ANKRD30B: variants seen among roughly 807,000 people sequenced by gnomAD.
The protein encoded by ANKRD30B is ankyrin repeat domain 30B, also known as ankyrin repeat domain-containing protein 30B.
In ANKRD30B, 144 loss-of-function variants were observed where a neutral mutation model predicts 202.2. That is an observed-to-expected ratio of 0.71 (90% CI 0.62 to 0.82). ANKRD30B has a LOEUF of 0.82. Ranked by LOEUF, ANKRD30B falls within the 40% of genes least tolerant of loss-of-function variation. The pLI is 0.00. For synonymous variants in ANKRD30B, 508 were observed against 561.3 expected (o/e 0.91, Z 1.34); for missense variants, 1,487 against 1,669.1 (o/e 0.89, Z 1.90).
intron 16 of ANKRD30B, among the ~76,000 whole-genome samples, chr18:14,793,092 A>C (rs1968634350): frequency 6.6e-6 from 1 of 152,204 alleles, no homozygotes; most frequent in African/African-American, 2.4e-5. Flanking sequence ...ATCTTCCTCC[A>C]TGAGTTGATC....
At chr18:14,936,355 C>T in the ANKRD30B span, among the ~76,000 whole-genome samples, 2 of 152,262 alleles carry the variant, frequency 1.3e-5, no homozygotes, top group African/African-American at 2.4e-5. Context: ...CTTCCATCCT[C>T]CCTCCTCCAC....
chr18:14,940,976 G>A, the ANKRD30B span, among the ~76,000 whole-genome samples: 2 of 152,058 alleles, frequency 1.3e-5, no homozygotes, highest in Non-Finnish European at 2.9e-5. Context: ...GCTCCCCACA[G>A]CACCTGAGCT....
At chr18:14,811,428 G>T (rs9284403) in intron 28 of ANKRD30B, among the ~76,000 whole-genome samples, 1 of 149,768 alleles carries the variant, frequency 6.7e-6, no homozygotes, top group African/African-American at 2.5e-5. Context: ...AGCCAGGATG[G>T]TCTTGACCTG....
chr18:14,834,135 T>G (rs1598698959), intron 34 of ANKRD30B, among the ~76,000 whole-genome samples: 1 of 152,180 alleles, frequency 6.6e-6, no homozygotes, highest in Non-Finnish European at 1.5e-5. Context: ...GCAAACCCAG[T>G]TAAATAAGGT....
chr18:14,796,203 A>G lies in ANKRD30B; in HGVS notation c.1826-18A>G, dbSNP rs556647306. On this transcript the variant is annotated intron_variant, in intron 16 of 43. Transcript: ENST00000690538. ...CAGGCTTGCATATAATCAATTATAT[A>G]TGTCCCTTTACGTTTAGAGTCTCCT... is the stretch of plus-strand genomic sequence containing the variant. 7.6e-6 allele frequency: 12 copies of G among 1,585,322 alleles called. No individual in the cohort carries two copies. The East Asian group carries it at 2.7e-4, about 36-fold the overall frequency.
At chr18:14,934,469 T>C in the ANKRD30B span, among the ~76,000 whole-genome samples, 1 of 152,190 alleles carries the variant, frequency 6.6e-6, no homozygotes, top group Non-Finnish European at 1.5e-5. Context: ...CCTTCCTGTT[T>C]CCCTGAGGCT....
intron 9 of ANKRD30B, among the ~76,000 whole-genome samples, chr18:14,773,873 C>G (rs544560795): frequency 6.6e-6 from 1 of 152,124 alleles, no homozygotes; most frequent in Admixed American, 6.5e-5. Flanking sequence ...CCAGGATGAT[C>G]TCTATCTCTT....
At chr18:14,849,216 T>C (rs1416943523) in intron 40 of ANKRD30B, among the ~76,000 whole-genome samples, 1 of 151,960 alleles carries the variant, frequency 6.6e-6, no homozygotes, top group African/African-American at 2.4e-5. Flanking sequence ...TTTTTTGTAT[T>C]ATAAATGCTA....
rs181855782 is a variant in ANKRD30B at position 14,852,196 on chromosome 18, C to T, written c.4252C>T (p.Leu1418=). 1 of 1,592,834 alleles carries T rather than the reference C, an allele frequency of 6.3e-7. No homozygotes were observed. The highest frequency in any genetic ancestry group is 8.6e-7 in the Non-Finnish European group (1 of 1,169,434). Reference sequence around the variant, plus strand: ...CAAACACACTGAACAGCAGGAGTCTCTGGAGCAGAAATTATTTCAACTAGA... The same window carrying T: ...CAAACACACTGAACAGCAGGAGTCTTTGGAGCAGAAATTATTTCAACTAGA... ...VDKHTEQQES[L]EQKLFQLESK... Residue 1418 remains leucine (L), a synonymous_variant, in exon 42 of 44, where the codon CTG becomes TTG. Coordinates refer to ENST00000690538, the MANE Select transcript of ANKRD30B (RefSeq NM_001367607.2).
chr18:14,774,978 G>A (rs1967263471), intron 9 of ANKRD30B, among the ~76,000 whole-genome samples: 1 of 152,014 alleles, frequency 6.6e-6, no homozygotes, highest in Non-Finnish European at 1.5e-5. Context: ...ACACAACAAA[G>A]TAGACGGGCG....
the ANKRD30B span, among the ~76,000 whole-genome samples, chr18:14,917,849 A>T: frequency 6.6e-6 from 1 of 152,194 alleles, no homozygotes; most frequent in Non-Finnish European, 1.5e-5. Flanking sequence ...GCTCAGATTT[A>T]TTGGTGTTTA....
At chr18:14,766,493 A>AGAAAAG (rs1555646769) in intron 7 of ANKRD30B, among the ~76,000 whole-genome samples, 45 of 85,060 alleles carry the variant, frequency 5.3e-4, no homozygotes, top group African/African-American at 1.7e-3. Flanking sequence ...AAAAAAAAAA[A>AGAAAAG]AAAAGAAAAG....
At chr18:14,839,164 G>T (rs1042833286) in intron 36 of ANKRD30B, among the ~76,000 whole-genome samples, 1 of 152,224 alleles carries the variant, frequency 6.6e-6, no homozygotes, top group African/African-American at 2.4e-5. Context: ...AGATTATGCT[G>T]CAGTAGTAGG....
At position 14,784,280 on chromosome 18, in the gene ANKRD30B, C is replaced by T. The variant is rs138681355; in HGVS notation, c.1571-56C>T. The T allele has an allele frequency of 4.8e-4, 742 of 1,531,324 alleles. 12 individuals are homozygous for T. In the East Asian group the frequency reaches 0.016, roughly 33 times the overall value. The allele number at this position is 1,531,324 out of a possible 1,614,324, so 94.9% of individuals were successfully genotyped here. ...GTTAGATACTATCACTGCATTCACT[C>T]GGTTGGCTTTGTCATATTTACTTAT... On this transcript the variant is annotated intron_variant, in intron 12 of 43. Transcript: ENST00000690538.
At chr18:14,860,908 C>G in the ANKRD30B span, among the ~76,000 whole-genome samples, 1 of 152,066 alleles carries the variant, frequency 6.6e-6, no homozygotes, top group South Asian at 2.1e-4. Flanking sequence ...TTCATGTTGG[C>G]CAGGCTGGTC....
chr18:14,805,689 T>C (rs1473362452), intron 24 of ANKRD30B, among the ~76,000 whole-genome samples: 1 of 151,064 alleles, frequency 6.6e-6, no homozygotes, highest in Non-Finnish European at 1.5e-5. Flanking sequence ...TAAATTATTA[T>C]AATGTGTTGC....
the ANKRD30B span, among the ~76,000 whole-genome samples, chr18:14,868,303 G>A: frequency 6.6e-6 from 1 of 152,300 alleles, no homozygotes; most frequent in Non-Finnish European, 1.5e-5. Flanking sequence ...GCCAGGGCAA[G>A]GAGGAGTCCT....
At chr18:14,861,612 C>A in the ANKRD30B span, among the ~76,000 whole-genome samples, 1 of 149,788 alleles carries the variant, frequency 6.7e-6, no homozygotes, top group Non-Finnish European at 1.5e-5. Context: ...TTAGAGCACC[C>A]AGATTTTTAG....
At chr18:14,809,131 G>C (rs1969750527) in intron 26 of ANKRD30B, among the ~76,000 whole-genome samples, 1 of 136,370 alleles carries the variant, frequency 7.3e-6, no homozygotes. Context: ...TTACTATTAA[G>C]TTTAGTGAGG....
Sources: allele counts gnomAD v4.1 joint callset (sites outside exome capture counted in the v4.1 genomes callset), GRCh38; gene constraint gnomAD v4.1.1; transcripts MANE v1.5; gene names NCBI Gene and HGNC (gene_info 2026-07-23, HGNC 2026-07-21).